The following EPHA6 variants were observed in gnomAD, a reference collection of about 807,000 sequenced individuals.
EPHA6 encodes ephrin type-A receptor 6.
A neutral mutation model predicts 112.0 loss-of-function variants in EPHA6; 50 were observed. That is an observed-to-expected ratio of 0.45 (90% CI 0.36 to 0.56). EPHA6 has a LOEUF of 0.56. EPHA6 is among the 20% of genes least tolerant of loss of function. EPHA6 has a pLI of 0.00. For missense variants in EPHA6, 1,280 were observed against 1,417.4 expected (o/e 0.90, Z 1.56); for synonymous variants, 529 against 490.7 (o/e 1.08, Z -1.03).
rs150152156 is a variant in EPHA6 at position 97,508,342 on chromosome 3, T to C, written c.2201-24016T>C. Reference sequence around the variant, plus strand: ...TCTAAACACTGCTTTAGCTGTGTACTAGAGATTCTGGTACATTGTGTCTTT... The same window carrying C: ...TCTAAACACTGCTTTAGCTGTGTACCAGAGATTCTGGTACATTGTGTCTTT... On this transcript the variant is annotated intron_variant, in intron 10 of 17. Transcript: ENST00000389672. Among the ~76,000 whole-genome samples the C allele has an allele frequency of 6.5e-3, 993 of 152,250 alleles. 12 individuals carry two copies. The highest frequency in any genetic ancestry group is 0.022 in the African/African-American group (913 of 41,558).
At chr3:97,252,688 G>A (rs1422521827) in intron 5 of EPHA6, among the ~76,000 whole-genome samples, 10 of 152,154 alleles carry the variant, frequency 6.6e-5, no homozygotes, top group Admixed American at 2.0e-4. Context: ...CTGTGGATAT[G>A]GTGAAGTAGT....
At chr3:97,430,582 A>G (rs2089445003) in intron 6 of EPHA6, among the ~76,000 whole-genome samples, 1 of 152,142 alleles carries the variant, frequency 6.6e-6, no homozygotes, top group Non-Finnish European at 1.5e-5. Flanking sequence ...TCAAGTACTT[A>G]TGACTAGAAT....
intron 8 of EPHA6, among the ~76,000 whole-genome samples, chr3:97,476,011 A>G (rs989822242): frequency 6.6e-6 from 1 of 152,132 alleles, no homozygotes; most frequent in Non-Finnish European, 1.5e-5. Context: ...TTCACCCATC[A>G]GAACCTTAGC....
At chr3:96,970,173 GT>G (rs2042261252) in intron 2 of EPHA6, among the ~76,000 whole-genome samples, 1 of 151,222 alleles carries the variant, frequency 6.6e-6, no homozygotes, top group Admixed American at 6.6e-5. Flanking sequence ...CACCTGTTCA[GT>G]TCACTCTCTC....
At chr3:97,712,812 C>T (rs541375405) in intron 14 of EPHA6, among the ~76,000 whole-genome samples, 84 of 152,238 alleles carry the variant, frequency 5.5e-4, no homozygotes, top group Admixed American at 1.0e-3. Flanking sequence ...AAAAAATTAG[C>T]ATTCACTGAG....
intron 16 of EPHA6, among the ~76,000 whole-genome samples, chr3:97,744,116 A>T (rs1372489248): frequency 1.3e-5 from 2 of 151,938 alleles, no homozygotes; most frequent in Non-Finnish European, 2.9e-5. Flanking sequence ...CTATAATCTA[A>T]ATTAACCATA....
intron 1 of EPHA6, among the ~76,000 whole-genome samples, chr3:96,841,319 C>A (rs72931363): frequency 6.6e-6 from 1 of 152,044 alleles, no homozygotes; most frequent in Non-Finnish European, 1.5e-5. Context: ...GAACAGAATG[C>A]GGGCGGGTTT....
At chr3:97,136,243 G>A (rs1292807281) in intron 3 of EPHA6, among the ~76,000 whole-genome samples, 3 of 152,062 alleles carry the variant, frequency 2.0e-5, no homozygotes, top group Non-Finnish European at 2.9e-5. Context: ...GCAAAAATCA[G>A]CAAATCTAGA....
At chr3:96,930,476 G>T (rs2040255420) in intron 2 of EPHA6, among the ~76,000 whole-genome samples, 1 of 152,108 alleles carries the variant, frequency 6.6e-6, no homozygotes. Context: ...AGGTTGCTGT[G>T]GGTCCCCTCT....
intron 2 of EPHA6, among the ~76,000 whole-genome samples, chr3:96,976,712 C>T (rs1451219686): frequency 6.6e-6 from 1 of 152,154 alleles, no homozygotes; most frequent in East Asian, 1.9e-4. Flanking sequence ...CCTCTGGCTA[C>T]ATTACCCTTC....
chr3:97,180,942 C>G (rs187723036), intron 3 of EPHA6, among the ~76,000 whole-genome samples: 2 of 151,932 alleles, frequency 1.3e-5, no homozygotes, highest in Admixed American at 1.3e-4. Context: ...CTAGGACTCA[C>G]CTAAGAGTTG....
rs1396612078 is a variant in EPHA6 at position 97,758,752 on chromosome 3, C to T, written c.*10051C>T. ...ATCTGAAAAGCATGAAGGAAGCATC[C>T]ATGAGAAGATATGGGGGAAGAGCAT... On this transcript the variant is annotated 3_prime_UTR_variant, in exon 18 of 18. Transcript: ENST00000389672. Among the ~76,000 whole-genome samples the T allele has an allele frequency of 2.0e-5, 3 of 151,744 alleles. No homozygotes were observed. The highest frequency in any genetic ancestry group is 4.8e-5 in the African/African-American group (2 of 41,334).
chr3:97,657,155 G>A (rs1429461370), intron 14 of EPHA6, among the ~76,000 whole-genome samples: 2 of 151,676 alleles, frequency 1.3e-5, no homozygotes, highest in African/African-American at 4.8e-5. Context: ...TGCTATAAAA[G>A]TAAACTTTTT....
intron 3 of EPHA6, among the ~76,000 whole-genome samples, chr3:97,171,978 C>A: frequency 6.6e-6 from 1 of 151,982 alleles, no homozygotes; most frequent in African/African-American, 2.4e-5. Flanking sequence ...CAACTTTGCT[C>A]AATTCAATAC....
chr3:97,302,491 A>G (rs1321771980), intron 5 of EPHA6, among the ~76,000 whole-genome samples: 1 of 149,008 alleles, frequency 6.7e-6, no homozygotes, highest in Admixed American at 6.7e-5. Context: ...TTTTTTTTTA[A>G]TTTATTATTA....
intron 3 of EPHA6, among the ~76,000 whole-genome samples, chr3:97,197,674 T>A (rs1409737752): frequency 1.3e-5 from 2 of 152,028 alleles, no homozygotes; most frequent in East Asian, 3.9e-4. Flanking sequence ...TTGGCCACTC[T>A]GACTTGTGTC....
chr3:97,246,543 A>G (rs1177477458), intron 5 of EPHA6, among the ~76,000 whole-genome samples: 1 of 151,842 alleles, frequency 6.6e-6, no homozygotes, highest in Non-Finnish European at 1.5e-5. Context: ...ATATTCTGGA[A>G]GGATAATATC....
intron 10 of EPHA6, among the ~76,000 whole-genome samples, chr3:97,498,383 T>G (rs1334130286): frequency 1.3e-5 from 2 of 151,600 alleles, no homozygotes; most frequent in African/African-American, 2.4e-5. Context: ...AGGAATGTCT[T>G]GCTTGCCAGA....
In EPHA6 at chr3:97,693,966, C is replaced by T. The variant is rs13321129; in HGVS notation, c.2785-26295C>T. ...GTGCTTGGTCAAGTTTACATTGATT[C>T]GCATGAAGCTCTTCATTAAAGGTAA... On this transcript the variant is annotated intron_variant, in intron 14 of 17. Coordinates refer to ENST00000389672, the MANE Select transcript of EPHA6 (RefSeq NM_001080448.3). 3.7e-3 allele frequency among the ~76,000 whole-genome samples: 565 copies of T among 152,184 alleles called. 3 individuals carry two copies. Among genetic ancestry groups the T allele is most frequent in the African/African-American group, 0.012 (512 of 41,538 alleles).
Sources: gnomAD v4.1 joint callset for allele counts (sites outside exome capture counted in the v4.1 genomes callset) on GRCh38, gnomAD v4.1.1 for gene constraint, MANE v1.5 for transcripts, NCBI Gene and HGNC (gene_info 2026-07-23, HGNC 2026-07-21) for gene names.